Variants in PCDHA6 observed in about 807,000 individuals in gnomAD.
PCDHA6 encodes the protein protocadherin alpha-6.
In PCDHA6, 55 loss-of-function variants were observed where a neutral mutation model predicts 60.3. The observed-to-expected ratio is 0.91, with a 90% confidence interval of 0.73 to 1.14. The LOEUF (loss-of-function observed/expected upper bound fraction) is 1.14. Ranked by LOEUF, PCDHA6 falls within the 50% of genes most tolerant of loss-of-function variation. The pLI, the probability that PCDHA6 is intolerant of heterozygous loss-of-function variation, is 0.00. For missense variants in PCDHA6, 1,327 were observed against 1,256.5 expected (o/e 1.06, Z -0.85); for synonymous variants, 652 against 557.9 (o/e 1.17, Z -2.38).
At chr5:140,890,363 C>T (rs1217094920) in intron 1 of PCDHA6, among the ~76,000 whole-genome samples, 1 of 152,036 alleles carries the variant, frequency 6.6e-6, no homozygotes, top group African/African-American at 2.4e-5. Flanking sequence ...CAATGGATAA[C>T]CTGAACAAGT....
At chr5:140,955,684 G>A (rs1231376434) in intron 1 of PCDHA6, among the ~76,000 whole-genome samples, 2 of 152,156 alleles carry the variant, frequency 1.3e-5, no homozygotes, top group African/African-American at 4.8e-5. Flanking sequence ...TTCGAAATCT[G>A]TGATGAATGT....
chr5:140,925,395 G>A (rs1451043717), intron 1 of PCDHA6, among the ~76,000 whole-genome samples: 1 of 151,998 alleles, frequency 6.6e-6, no homozygotes, highest in African/African-American at 2.4e-5. Context: ...CTTTTGGCTC[G>A]CCTCCTTCTT....
chr5:140,851,230 A>G (rs1327220273), intron 1 of PCDHA6: 1 of 1,136,468 alleles, frequency 8.8e-7, no homozygotes, highest in Non-Finnish European at 1.1e-6. Flanking sequence ...ACTATCATTT[A>G]TTTATTGCTA....
At chr5:140,869,772 T>A (rs1554163433) in intron 1 of PCDHA6, 1 of 1,613,190 alleles carries the variant, frequency 6.2e-7, no homozygotes, top group Non-Finnish European at 8.5e-7. Context: ...CAGAGCTTAC[T>A]GGCACCGTTC....
intron 1 of PCDHA6, among the ~76,000 whole-genome samples, chr5:140,953,024 G>A (rs2094834462): frequency 6.6e-6 from 1 of 152,026 alleles, no homozygotes; most frequent in South Asian, 2.1e-4. Context: ...AACATTAAGG[G>A]GGAAATCCAC....
chr5:140,836,309 A>T, intron 1 of PCDHA6: 1 of 1,613,652 alleles, frequency 6.2e-7, no homozygotes, highest in Non-Finnish European at 8.5e-7. Context: ...AGACGGACGC[A>T]CCGCGCCACC....
At chr5:140,941,347 T>G (rs246069) in intron 1 of PCDHA6, among the ~76,000 whole-genome samples, 2 of 130,422 alleles carry the variant, frequency 1.5e-5, no homozygotes, top group African/African-American at 5.9e-5. Context: ...GATGGAGTCT[T>G]GCTCTGTTGC....
intron 1 of PCDHA6, among the ~76,000 whole-genome samples, chr5:140,949,473 G>A (rs2094384488): frequency 6.6e-6 from 1 of 151,492 alleles, no homozygotes; most frequent in South Asian, 2.1e-4. Flanking sequence ...CCTGTTATTA[G>A]GCACACACAT....
chr5:140,986,114 T>A (rs1465954606), intron 3 of PCDHA6, among the ~76,000 whole-genome samples: 1 of 152,168 alleles, frequency 6.6e-6, no homozygotes, highest in Non-Finnish European at 1.5e-5. Flanking sequence ...AAGATAAAGA[T>A]GCCACACTCT....
At chr5:140,961,981 T>G (rs1408145304) in intron 1 of PCDHA6, among the ~76,000 whole-genome samples, 1 of 152,076 alleles carries the variant, frequency 6.6e-6, no homozygotes, top group African/African-American at 2.4e-5. Context: ...CCTCCTGGGT[T>G]CACGCCATTG....
At chr5:140,946,631 T>TATATGTATATAC (rs57893927) in intron 1 of PCDHA6, among the ~76,000 whole-genome samples, 2 of 131,846 alleles carry the variant, frequency 1.5e-5, no homozygotes, top group Non-Finnish European at 3.1e-5. Flanking sequence ...TATATATATA[T>TATATGTATATAC]ACAATGGAAT....
intron 1 of PCDHA6, chr5:140,843,933 G>A: frequency 1.7e-6 from 1 of 576,250 alleles, no homozygotes. Context: ...CTCAAGTTAT[G>A]GTTGGATGAT....
rs148631412 is a variant in PCDHA6, at chr5:140,929,183, C to T, written c.2395-49766C>T. On this transcript the variant is annotated intron_variant, in intron 1 of 3. Transcript: ENST00000529310. ...TATCGGGCCTCTCTGGGACTTGGTT[C>T]TGATAATAACAGTTTGCTGTTGCGT... is the stretch of plus-strand genomic sequence containing the variant. 62 of 1,614,144 alleles carry T rather than the reference C, an allele frequency of 3.8e-5. No individual in the cohort carries two copies. The highest frequency in any genetic ancestry group is 4.8e-5 in the Non-Finnish European group (57 of 1,180,012).
At chr5:140,898,956 T>G (rs1352076218) in intron 1 of PCDHA6, among the ~76,000 whole-genome samples, 1 of 152,130 alleles carries the variant, frequency 6.6e-6, no homozygotes, top group African/African-American at 2.4e-5. Flanking sequence ...GAAGCAGTTG[T>G]GAATGGGAGT....
chr5:140,884,176 T>G, intron 1 of PCDHA6: 1 of 1,613,372 alleles, frequency 6.2e-7, no homozygotes, highest in Non-Finnish European at 8.5e-7. Flanking sequence ...CGACGCGCCC[T>G]CTGGACGAGG....
intron 1 of PCDHA6, among the ~76,000 whole-genome samples, chr5:140,920,357 A>G (rs782419559): frequency 5.3e-5 from 8 of 151,994 alleles, no homozygotes; most frequent in Non-Finnish European, 8.8e-5. Context: ...TGCTAGTTCT[A>G]TTCATTTATT....
At chr5:140,956,594 T>C (rs2095295015) in intron 1 of PCDHA6, among the ~76,000 whole-genome samples, 1 of 152,210 alleles carries the variant, frequency 6.6e-6, no homozygotes, top group Non-Finnish European at 1.5e-5. Flanking sequence ...TTATCAGGGA[T>C]ATCAGCTGGA....
intron 1 of PCDHA6, among the ~76,000 whole-genome samples, chr5:140,879,457 T>A (rs1554170803): frequency 6.6e-6 from 1 of 152,176 alleles, no homozygotes; most frequent in Non-Finnish European, 1.5e-5. Context: ...TTTGAAGTCC[T>A]AAGAGAATAC....
At chr5:140,941,099 TATTACTGG>T (rs1174229664) in intron 1 of PCDHA6, among the ~76,000 whole-genome samples, 5 of 152,146 alleles carry the variant, frequency 3.3e-5, no homozygotes, top group Non-Finnish European at 1.5e-5. Context: ...TTTCACATAC[TATTACTGG>T]AAAGATTAGT....
Sources: allele counts gnomAD v4.1 joint callset (sites outside exome capture counted in the v4.1 genomes callset), GRCh38; gene constraint gnomAD v4.1.1; transcripts MANE v1.5; gene names NCBI Gene and HGNC (gene_info 2026-07-23, HGNC 2026-07-21).